RORA: variants seen among roughly 807,000 people sequenced by gnomAD.
RORA encodes RAR related orphan receptor A.
RORA carries 7 observed loss-of-function variants against 69.5 expected under a neutral mutation model. The ratio of observed to expected loss-of-function variants is 0.10; its 90% CI spans 0.06 to 0.19. RORA has a LOEUF of 0.19. Among genes scored for constraint, RORA ranks in the 10% least tolerant of loss-of-function variants. The pLI is 1.00. For synonymous variants in RORA, 261 were observed against 240.8 expected, an observed-to-expected ratio of 1.08 and a Z score of -0.78; for missense variants, 457 against 663.0, an observed-to-expected ratio of 0.69 and a Z score of 3.41.
At position 60,886,331 on chromosome 15, in the gene RORA, G is replaced by T. The variant is rs895981757; in HGVS notation, c.167-207645C>A. Among the ~76,000 whole-genome samples, 5 of 152,276 alleles carry T rather than the reference G, an allele frequency of 3.3e-5. No individual in the cohort carries two copies. The East Asian group carries it at 9.7e-4, about 29-fold the overall frequency. On this transcript the variant is annotated intron_variant, in intron 1 of 10. Transcript: ENST00000335670. The stretch of plus-strand genomic sequence containing the variant: ...GAAGTGACTGGACAAAGGTGAGCAG[G>T]TGGGGGCCCCTGGATATGTTTCCCA...
intron 1 of RORA, among the ~76,000 whole-genome samples, chr15:61,122,120 C>T (rs962933265): frequency 5.3e-5 from 8 of 152,154 alleles, no homozygotes; most frequent in African/African-American, 1.2e-4. Flanking sequence ...ACAGCATTTC[C>T]GGATGGCATC....
At position 60,869,138 on chromosome 15, in the gene RORA, T is replaced by C. The variant is rs28725230; in HGVS notation, c.167-190452A>G. 7.1e-3 allele frequency among the ~76,000 whole-genome samples: 1,074 copies of C among 152,270 alleles called. 14 individuals carry two copies. The highest frequency in any genetic ancestry group is 0.024 in the African/African-American group (992 of 41,536). On this transcript the variant is annotated intron_variant, in intron 1 of 10. Transcript: ENST00000335670. ...AAAAAAAGAACACATCAGTTCCTTA[T>C]ATTTTGGCTGAAATGACCATAAAAT...
At chr15:61,014,789 A>G (rs1326451121) in intron 1 of RORA, among the ~76,000 whole-genome samples, 1 of 152,232 alleles carries the variant, frequency 6.6e-6, no homozygotes, top group Non-Finnish European at 1.5e-5. Flanking sequence ...CCAAAGGGGT[A>G]GAAAGACAAA....
rs1313720534 is a variant in RORA at position 60,511,412 on chromosome 15, T to C, written c.634A>G (p.Ser212Gly). The part of the protein sequence containing the change: ...NYIDGHTPEG[S>G]KADSAVSSFY... The stretch of plus-strand genomic sequence containing the variant: ...CTGCTGACGGCGGAGTCTGCCTTAC[T>C]CCCCTCAGGGGTGTGCCCGTCAATG... Residue 212 changes from serine (S) to glycine (G), a missense_variant, in exon 5 of 11, where the codon AGT (serine) becomes GGT (glycine). Ser to Gly is a moderately conservative substitution (Grantham distance 56, BLOSUM62 0). This residue lies in a region of RORA where 304 missense variants were observed against 447.4 expected (regional missense o/e 0.68). Coordinates refer to ENST00000335670, the MANE Select transcript of RORA (RefSeq NM_134261.3). This position sits in a 1 kb window ranked among gnomAD's most constrained non-coding sequence, Gnocchi z 6.4. The C allele has an allele frequency of 1.2e-6, 2 of 1,614,048 alleles. No homozygotes were observed. Among genetic ancestry groups the C allele is most frequent in the African/African-American group, 2.7e-5 (2 of 74,892 alleles).
intron 1 of RORA, among the ~76,000 whole-genome samples, chr15:60,950,102 C>T (rs943605714): frequency 1.3e-5 from 2 of 151,370 alleles, no homozygotes; most frequent in Admixed American, 6.6e-5. Flanking sequence ...GGCAGAAACC[C>T]TACAAGCCAG....
intron 2 of RORA, among the ~76,000 whole-genome samples, chr15:60,631,642 G>C (rs945613063): frequency 6.6e-6 from 1 of 152,096 alleles, no homozygotes; most frequent in Non-Finnish European, 1.5e-5. Context: ...AAAAAATGTA[G>C]AGCTTTTAAC....
At chr15:60,597,546 C>CA (rs2068698981) in intron 2 of RORA, among the ~76,000 whole-genome samples, 1 of 66,470 alleles carries the variant, frequency 1.5e-5, no homozygotes, top group Admixed American at 1.8e-4. Flanking sequence ...CACACACACA[C>CA]ACAACATATA....
At chr15:61,078,780 T>TATCG (rs958154674) in intron 1 of RORA, among the ~76,000 whole-genome samples, 6 of 151,900 alleles carry the variant, frequency 3.9e-5, no homozygotes, top group African/African-American at 1.4e-4. Context: ...TCTATCTATC[T>TATCG]ATCTATCCAT....
intron 2 of RORA, among the ~76,000 whole-genome samples, chr15:60,599,052 G>A (rs1325353724): frequency 2.6e-5 from 4 of 152,210 alleles, no homozygotes; most frequent in Non-Finnish European, 5.9e-5. Context: ...AAGGCAGAAT[G>A]TGTGGCACAT....
At chr15:60,791,312 T>G (rs2072413773) in intron 1 of RORA, among the ~76,000 whole-genome samples, 1 of 152,238 alleles carries the variant, frequency 6.6e-6, no homozygotes, top group Non-Finnish European at 1.5e-5. Flanking sequence ...ATGTAAGGGC[T>G]ATTGGCTTTT....
intron 2 of RORA, among the ~76,000 whole-genome samples, chr15:60,541,042 G>A (rs1332548109): frequency 6.6e-6 from 1 of 152,182 alleles, no homozygotes; most frequent in Non-Finnish European, 1.5e-5. Context: ...GAATTAATAA[G>A]AGGATGAAGC....
At chr15:61,118,308 C>G (rs560307000) in intron 1 of RORA, among the ~76,000 whole-genome samples, 3 of 152,052 alleles carry the variant, frequency 2.0e-5, no homozygotes, top group Admixed American at 6.5e-5. Context: ...GTGAGGCTCT[C>G]GTAAGATAAA....
chr15:60,947,769 T>A (rs1045330448), intron 1 of RORA, among the ~76,000 whole-genome samples: 1 of 149,308 alleles, frequency 6.7e-6, no homozygotes, highest in African/African-American at 2.5e-5. Flanking sequence ...TAGTGCAAAG[T>A]GCAGTCTTGG....
At chr15:61,153,138 G>A (rs1039421231) in intron 1 of RORA, among the ~76,000 whole-genome samples, 2 of 152,162 alleles carry the variant, frequency 1.3e-5, no homozygotes, top group Non-Finnish European at 2.9e-5. Context: ...AAGCCCTGGA[G>A]CCTGCAGCAC....
At chr15:61,225,957 A>G (rs1331500680) in intron 1 of RORA, among the ~76,000 whole-genome samples, 1 of 152,220 alleles carries the variant, frequency 6.6e-6, no homozygotes, top group Admixed American at 6.5e-5. Flanking sequence ...AGAAAATGGA[A>G]GAGTTTCATT....
intron 1 of RORA, among the ~76,000 whole-genome samples, chr15:61,185,719 T>C (rs984307386): frequency 2.0e-5 from 3 of 152,234 alleles, no homozygotes; most frequent in African/African-American, 7.2e-5. Flanking sequence ...GTTCCAGCCT[T>C]TGATGCCTTA....
At chr15:61,206,373 C>T (rs2079941680) in intron 1 of RORA, among the ~76,000 whole-genome samples, 1 of 152,134 alleles carries the variant, frequency 6.6e-6, no homozygotes, top group Non-Finnish European at 1.5e-5. Context: ...AGTATTTATT[C>T]ATCAGCTACT....
At chr15:60,586,007 C>G (rs540294363) in intron 2 of RORA, among the ~76,000 whole-genome samples, 121 of 152,124 alleles carry the variant, frequency 8.0e-4, no homozygotes, top group Non-Finnish European at 1.2e-3. Context: ...ATCTGACATG[C>G]GGCAGAAAAA....
At chr15:60,547,615 C>T (rs1395878005) in intron 2 of RORA, 1 of 138,566 alleles carries the variant, frequency 7.2e-6, no homozygotes, top group Non-Finnish European at 1.5e-5. Context: ...TGTAAGCCAC[C>T]ATGACTGGCC....
Sources: allele counts gnomAD v4.1 joint callset (sites outside exome capture counted in the v4.1 genomes callset), GRCh38; gene constraint gnomAD v4.1.1; regional missense constraint gnomAD v4.1.1; non-coding constraint Gnocchi (gnomAD v3.1); transcripts MANE v1.5; gene names NCBI Gene and HGNC (gene_info 2026-07-23, HGNC 2026-07-21).